The following DMD variants were observed in gnomAD, a reference collection of about 807,000 sequenced individuals.
The protein encoded by DMD is mutant dystrophin.
DMD carries 63 observed loss-of-function variants against 330.1 expected under a neutral mutation model. The observed-to-expected ratio is 0.19, with a 90% CI of 0.16 to 0.24. The LOEUF (loss-of-function observed/expected upper bound fraction) is 0.24. DMD is among the 10% of genes least tolerant of loss of function. DMD has a pLI of 1.00. For synonymous variants in DMD, 1,223 were observed against 959.8 expected, an observed-to-expected ratio of 1.27 and a Z score of -5.07; for missense variants, 3,344 against 2,684.1, an observed-to-expected ratio of 1.25 and a Z score of -5.43.
Position 31,209,881 on chromosome X carries a change from A to G in DMD, c.9362-182T>C, listed in dbSNP as rs367998972. ...CCTCGACTCTAAGTTGATGAGTTTG[A>G]TCAGTATTCAGGATCTGAAGTTGTT... On this transcript the variant is annotated intron_variant, in intron 64 of 78. Coordinates refer to ENST00000357033, the MANE Select transcript of DMD (RefSeq NM_004006.3). 3.6e-5 allele frequency among the ~76,000 whole-genome samples: 4 copies of G among 111,557 alleles called. No individual in the cohort carries two copies. In the East Asian group the frequency reaches 1.1e-3, roughly 31 times the overall value.
At chrX:32,251,050 G>C (rs1035367896) in intron 43 of DMD, among the ~76,000 whole-genome samples, 1 of 109,905 alleles carries the variant, frequency 9.1e-6, no homozygotes, top group African/African-American at 3.3e-5. Context: ...GGGGGTGGGG[G>C]GCTAGGGTAG....
At chrX:32,060,872 G>A (rs1479059170) in intron 44 of DMD, among the ~76,000 whole-genome samples, 1 of 111,244 alleles carries the variant, frequency 9.0e-6, no homozygotes, top group Non-Finnish European at 1.9e-5. Context: ...TTGAAAAGAA[G>A]TTGGTCTGGG....
intron 1 of DMD, among the ~76,000 whole-genome samples, chrX:33,184,097 G>T (rs756808396): frequency 8.9e-6 from 1 of 111,845 alleles, no homozygotes; most frequent in African/African-American, 3.2e-5. Context: ...GTTGAATGCT[G>T]ATCCAGAAGG....
chrX:32,182,473 A>G (rs1175481765), intron 44 of DMD, among the ~76,000 whole-genome samples: 1 of 111,482 alleles, frequency 9.0e-6, no homozygotes, highest in African/African-American at 3.3e-5. Context: ...TTCAAAAGGA[A>G]ATGTTGATGT....
At chrX:31,535,934 G>C (rs1306651374) in intron 55 of DMD, among the ~76,000 whole-genome samples, 1 of 111,812 alleles carries the variant, frequency 8.9e-6, no homozygotes, top group East Asian at 2.8e-4. Context: ...AACACATCAG[G>C]GATCCTAGTA....
chrX:31,157,629 C>T (rs1349391901), intron 74 of DMD, among the ~76,000 whole-genome samples: 1 of 110,853 alleles, frequency 9.0e-6, no homozygotes, highest in Non-Finnish European at 1.9e-5. Context: ...TAATTTTAAG[C>T]TTTGTGTGTC....
chrX:32,183,260 C>T (rs1320930351), intron 44 of DMD, among the ~76,000 whole-genome samples: 1 of 110,860 alleles, frequency 9.0e-6, no homozygotes, highest in Non-Finnish European at 1.9e-5. Flanking sequence ...GCCTTTAAGA[C>T]TTGGATGGTG....
intron 55 of DMD, among the ~76,000 whole-genome samples, chrX:31,568,480 C>T (rs2075587620): frequency 9.0e-6 from 1 of 111,364 alleles, no homozygotes; most frequent in African/African-American, 3.3e-5. Flanking sequence ...TTATGTCTTC[C>T]CAGTGAATTA....
chrX:32,705,164 C>A (rs2064504076), intron 7 of DMD, among the ~76,000 whole-genome samples: 1 of 111,997 alleles, frequency 8.9e-6, no homozygotes, highest in Admixed American at 9.5e-5. Context: ...ATTTGCACAA[C>A]TCCTCCCATG....
chrX:32,592,515 G>A (rs1276045051), intron 13 of DMD, among the ~76,000 whole-genome samples: 1 of 111,121 alleles, frequency 9.0e-6, no homozygotes, highest in Non-Finnish European at 1.9e-5. Context: ...CTGTGGAAAG[G>A]AGCTACCCAC....
intron 63 of DMD, among the ~76,000 whole-genome samples, chrX:31,234,115 C>G: frequency 8.9e-6 from 1 of 111,864 alleles, no homozygotes; most frequent in Non-Finnish European, 1.9e-5. Context: ...CCAGTTCCCA[C>G]CCAGTCACCT....
chrX:32,376,829 A>G (rs1364594834), intron 34 of DMD, among the ~76,000 whole-genome samples: 1 of 110,992 alleles, frequency 9.0e-6, no homozygotes, highest in Non-Finnish European at 1.9e-5. Context: ...AAGCCAGACC[A>G]GATTGCTTTT....
chrX:32,557,700 T>A (rs1463115493), intron 16 of DMD, among the ~76,000 whole-genome samples: 1 of 111,698 alleles, frequency 9.0e-6, no homozygotes, highest in Non-Finnish European at 1.9e-5. Context: ...AAGATTTGCA[T>A]CTCTAAGCAA....
chrX:32,256,496 A>T (rs111367714), intron 43 of DMD, among the ~76,000 whole-genome samples: 11,234 of 109,937 alleles, frequency 0.1, 609 homozygotes, highest in Admixed American at 0.15. Flanking sequence ...TAATTGGGGC[A>T]TTTAGCCCAT....
In DMD at chrX:31,210,243, GA is replaced by G. The variant is rs1260110750; in HGVS notation, c.9362-545del. 3.6e-5 allele frequency among the ~76,000 whole-genome samples: 4 copies of G among 111,241 alleles called. No homozygotes were observed. In the East Asian group the frequency reaches 8.4e-4, roughly 23 times the overall value. ...TCTCTCTGCTACCCTAATATTAGGT[GA>G]AAAAAATACTCTCCACTAAAATTTT... On this transcript the variant is annotated intron_variant, in intron 64 of 78. Transcript: ENST00000357033.
chrX:31,304,961 G>A (rs148584626), intron 62 of DMD, among the ~76,000 whole-genome samples: 10 of 111,489 alleles, frequency 9.0e-5, no homozygotes, highest in East Asian at 8.4e-4. Context: ...GTTTCTACAC[G>A]GAAGAGTAGC....
At chrX:32,983,922 T>G (rs998623928) in intron 2 of DMD, among the ~76,000 whole-genome samples, 2 of 111,575 alleles carry the variant, frequency 1.8e-5, no homozygotes, top group African/African-American at 6.5e-5. Context: ...AAATGCTACA[T>G]GATATGACCT....
intron 62 of DMD, among the ~76,000 whole-genome samples, chrX:31,285,758 C>A (rs1384923902): frequency 1.8e-5 from 2 of 111,099 alleles, no homozygotes; most frequent in African/African-American, 3.3e-5. Context: ...CTAGTTATGT[C>A]AAAATAAATA....
At chrX:32,679,744 C>A (rs2062237142) in intron 9 of DMD, among the ~76,000 whole-genome samples, 1 of 108,167 alleles carries the variant, frequency 9.2e-6, no homozygotes, top group Non-Finnish European at 1.9e-5. Context: ...ATTGGCAAAG[C>A]GAAAAACACT....
Sources: gnomAD v4.1 joint callset for allele counts (sites outside exome capture counted in the v4.1 genomes callset) on GRCh38, gnomAD v4.1.1 for gene constraint, MANE v1.5 for transcripts, NCBI Gene and HGNC (gene_info 2026-07-23, HGNC 2026-07-21) for gene names.